Variants in RINT1 observed in about 807,000 individuals in gnomAD.
RINT1 encodes RAD50 interactor 1.
Under a neutral mutation model 97.7 loss-of-function variants are expected in RINT1, and 75 were observed. The ratio of observed to expected loss-of-function variants is 0.77; its 90% CI spans 0.64 to 0.93. The LOEUF (loss-of-function observed/expected upper bound fraction) is 0.93. Ranked by LOEUF, RINT1 falls within the 40% of genes least tolerant of loss-of-function variation. RINT1 has a pLI of 0.00. For synonymous variants in RINT1, 303 were observed against 326.3 expected, an observed-to-expected ratio of 0.93 and a Z score of 0.77; for missense variants, 892 against 925.2, an observed-to-expected ratio of 0.96 and a Z score of 0.47.
intron 2 of RINT1, among the ~76,000 whole-genome samples, chr7:105,534,184 C>T (rs1053923852): frequency 1.3e-5 from 2 of 152,164 alleles, no homozygotes; most frequent in Non-Finnish European, 2.9e-5. Flanking sequence ...ATTCCCCTGC[C>T]TCGGCCTCCT....
At position 105,550,170 on chromosome 7, in the gene RINT1, G is replaced by C; in HGVS notation, c.1107+5G>C. 6.2e-7 allele frequency: 1 copy of C among 1,609,014 alleles called. No homozygotes were observed. The highest frequency in any genetic ancestry group is 8.5e-7 in the Non-Finnish European group (1 of 1,175,586). ...GGCTCTTTGGTAAACGCAAGGGTAA[G>C]AGACTCAGTCATAAGTGTTTCTGTT... On this transcript the variant is annotated splice_donor_5th_base_variant and intron_variant, in intron 8 of 14. Transcript: ENST00000257700.
chr7:105,533,345 T>G (rs570976409), intron 2 of RINT1, among the ~76,000 whole-genome samples: 31 of 152,328 alleles, frequency 2.0e-4, no homozygotes, highest in African/African-American at 7.5e-4. Context: ...ACTTGGGTTC[T>G]GGATCTTGGA....
intron 4 of RINT1, 110 bp downstream of exon 4, chr7:105,542,759 A>G (rs1413336542): frequency 7.2e-6 from 8 of 1,104,872 alleles, no homozygotes; most frequent in East Asian, 2.9e-5. Flanking sequence ...TTATAATAAT[A>G]TAATTTTACC....
At chr7:105,535,773 A>G (rs1790206896) in intron 2 of RINT1, 1 of 309,702 alleles carries the variant, frequency 3.2e-6, no homozygotes, top group South Asian at 2.6e-5. Flanking sequence ...TCTGGGCTCA[A>G]GTGATCCTCC....
chr7:105,537,797 T>C (rs1790306891), intron 3 of RINT1, among the ~76,000 whole-genome samples: 4 of 151,736 alleles, frequency 2.6e-5, no homozygotes, highest in Admixed American at 2.6e-4. Flanking sequence ...GATCATGCCA[T>C]CGCACTCCAG....
At position 105,546,931 on chromosome 7, in the gene RINT1, G is replaced by A. The variant is rs201455219; in HGVS notation, c.537G>A (p.Leu179=). 1.2e-6 allele frequency: 2 copies of A among 1,603,990 alleles called. No homozygotes were observed. The highest frequency in any genetic ancestry group is 1.7e-6 in the Non-Finnish European group (2 of 1,177,604). The change falls in exon 5 of 15, where the codon CTG becomes CTA. Residue 179 remains leucine, a synonymous_variant. Coordinates refer to ENST00000257700, the MANE Select transcript of RINT1 (RefSeq NM_021930.6). ...EELSDNIQQY[L]MTNNVPEAAS... ...ACAGTGATAACATTCAGCAATATCT[G>A]ATGACCAATAATGTACCGGAGGCAG...
chr7:105,552,619 C>G lies in RINT1; in HGVS notation c.1471+912C>G, dbSNP rs567759369. Among the ~76,000 whole-genome samples, 4 of 147,382 alleles carry G rather than the reference C, an allele frequency of 2.7e-5. No individual in the cohort carries two copies. In the South Asian group the frequency reaches 8.6e-4, roughly 32 times the overall value. On this transcript the variant is annotated intron_variant, in intron 10 of 14. Transcript: ENST00000257700. ...TAGCCTGTCCGTTTCTTAGGCTTGTCTGGTAACCTGAAGAAGTATCATTCC... is the reference window on the plus strand; with the variant it reads ...TAGCCTGTCCGTTTCTTAGGCTTGTGTGGTAACCTGAAGAAGTATCATTCC...
At position 105,532,813 on chromosome 7, in the gene RINT1, T is replaced by C; in HGVS notation, c.43-11T>C. On this transcript the variant is annotated splice_polypyrimidine_tract_variant and intron_variant, in intron 1 of 14. Coordinates refer to ENST00000257700, the MANE Select transcript of RINT1 (RefSeq NM_021930.6). ...ATCTTAATGTGCTTGTCACATCTGT[T>C]CTTCTTCTAGTGCTGCTCTGAAAGT... 6.2e-7 allele frequency: 1 copy of C among 1,609,608 alleles called. No homozygotes were observed. Among genetic ancestry groups the C allele is most frequent in the African/African-American group, 1.4e-5 (1 of 71,198 alleles).
rs2133393727 is a variant in RINT1, at chr7:105,548,641, G to A, written c.927G>A (p.Met309Ile). ...CTGTCATCCTGCCCATCCAGGTTAT[G>A]CTGACTCCTCTTCAGAAGAGGTTCA... ...SPSVILPIQV[M>I]LTPLQKRFRY... Residue 309 changes from methionine to isoleucine, a missense_variant, in exon 7 of 15, where the codon ATG (methionine) becomes ATA (isoleucine). Physicochemically the swap from Met to Ile is conservative, Grantham distance 10. Coordinates refer to ENST00000257700, the MANE Select transcript of RINT1 (RefSeq NM_021930.6). The A allele has an allele frequency of 2.5e-6, 4 of 1,614,118 alleles. No individual in the cohort carries two copies. The South Asian group carries it at 4.4e-5, about 18-fold the overall frequency.
intron 6 of RINT1, 102 bp from the exon 7 acceptor site, chr7:105,548,452 C>G: frequency 1.0e-6 from 1 of 999,668 alleles, no homozygotes; most frequent in African/African-American, 1.6e-5. Context: ...TACTGAGTAT[C>G]TGATACATTT....
At chr7:105,560,830 C>A (rs1032086318) in intron 11 of RINT1, among the ~76,000 whole-genome samples, 1 of 151,986 alleles carries the variant, frequency 6.6e-6, no homozygotes, top group Non-Finnish European at 1.5e-5. Context: ...AAGTTATTCT[C>A]CTGCCTCAGC....
At chr7:105,542,680 C>G (rs759166185) in intron 4 of RINT1, 31 bp downstream of exon 4, 4 of 1,603,984 alleles carry the variant, frequency 2.5e-6, no homozygotes, top group Non-Finnish European at 3.4e-6. Flanking sequence ...CTCACAATTA[C>G]TATTTTCCTT....
At chr7:105,564,255 T>C (rs937811219) in intron 12 of RINT1, among the ~76,000 whole-genome samples, 3 of 152,032 alleles carry the variant, frequency 2.0e-5, no homozygotes, top group Non-Finnish European at 4.4e-5. Flanking sequence ...ACAAGGCTAA[T>C]TTTTGTATTT....
chr7:105,556,474 A>G (rs1189425889), intron 11 of RINT1, among the ~76,000 whole-genome samples: 5 of 152,106 alleles, frequency 3.3e-5, no homozygotes, highest in African/African-American at 1.2e-4. Context: ...GGTAATATTT[A>G]TATAGAGAGA....
At chr7:105,549,507 C>T (rs183851593) in intron 7 of RINT1, among the ~76,000 whole-genome samples, 240 of 152,052 alleles carry the variant, frequency 1.6e-3, no homozygotes, top group Non-Finnish European at 2.5e-3. Flanking sequence ...CACCACCACG[C>T]CCAGCTAATT....
intron 4 of RINT1, among the ~76,000 whole-genome samples, chr7:105,544,971 G>A (rs1314429495): frequency 2.0e-5 from 3 of 151,454 alleles, no homozygotes; most frequent in Non-Finnish European, 4.4e-5. Context: ...TTATTCTGAT[G>A]TACATTGTCT....
chr7:105,540,369 C>G (rs1790408367), intron 3 of RINT1, among the ~76,000 whole-genome samples: 1 of 152,194 alleles, frequency 6.6e-6, no homozygotes, highest in Admixed American at 6.5e-5. Flanking sequence ...TTCACCAATT[C>G]TCCTGCCTCA....
chr7:105,548,881 G>C (rs1790800800), intron 7 of RINT1, among the ~76,000 whole-genome samples, 171 bp downstream of exon 7: 1 of 151,906 alleles, frequency 6.6e-6, no homozygotes, highest in Non-Finnish European at 1.5e-5. Flanking sequence ...GAGGACTTGT[G>C]TTCATATACT....
chr7:105,539,621 G>A (rs1308928809), intron 3 of RINT1, among the ~76,000 whole-genome samples: 1 of 151,968 alleles, frequency 6.6e-6, no homozygotes, highest in Non-Finnish European at 1.5e-5. Flanking sequence ...GTGGATCTTG[G>A]CCTTCCAAAG....
Sources: gnomAD v4.1 joint callset for allele counts (sites outside exome capture counted in the v4.1 genomes callset) on GRCh38, gnomAD v4.1.1 for gene constraint, MANE v1.5 for transcripts, NCBI Gene and HGNC (gene_info 2026-07-23, HGNC 2026-07-21) for gene names.